Variants in TMPO observed in about 807,000 individuals in gnomAD.
TMPO encodes the protein LEM domain containing 4.
TMPO carries 22 observed loss-of-function variants against 45.4 expected under a neutral mutation model. That is an observed-to-expected ratio of 0.48 (90% confidence interval 0.35 to 0.69). TMPO has a LOEUF of 0.69. TMPO is among the 30% of genes least tolerant of loss of function. The pLI is 0.01. For missense variants in TMPO, 512 were observed against 548.8 expected (o/e 0.93, Z 0.67); for synonymous variants, 241 against 204.1 (o/e 1.18, Z -1.54).
intron 7 of TMPO, among the ~76,000 whole-genome samples, chr12:98,545,473 G>A (rs1021025028): frequency 6.6e-6 from 1 of 152,184 alleles, no homozygotes; most frequent in East Asian, 1.9e-4. Flanking sequence ...GTTAACTCCT[G>A]TGTAATTAAG....
rs780144570 is a variant in TMPO, at chr12:98,532,866, T to G, written c.565+1028T>G. ...AGAAAGTGAAGTCCACTAGGGATAT[T>G]GTTCCTTTTTCTGAACTTGGAACTA... On this transcript the variant is annotated intron_variant, in intron 3 of 8. Coordinates refer to ENST00000556029, the MANE Select transcript of TMPO (RefSeq NM_001032283.3). The G allele has an allele frequency of 5.6e-6, 9 of 1,614,186 alleles. No individual in the cohort carries two copies. In the South Asian group the frequency reaches 9.9e-5, roughly 18 times the overall value.
Position 98,521,702 on chromosome 12 carries a change from T to C in TMPO, c.279+5556T>C, listed in dbSNP as rs560697535. ...GTAGCTATTTGGATCTAGTGGAGCATAATATTCTTGAATGATCTGTTCTGG... is the reference window on the plus strand; with the variant it reads ...GTAGCTATTTGGATCTAGTGGAGCACAATATTCTTGAATGATCTGTTCTGG... On this transcript the variant is annotated intron_variant, in intron 1 of 8. Transcript: ENST00000556029. 6.0e-4 allele frequency among the ~76,000 whole-genome samples: 91 copies of C among 152,132 alleles called. 1 individual carries two copies. Among genetic ancestry groups the C allele is most frequent in the Non-Finnish European group, 1.2e-3 (84 of 68,032 alleles).
At chr12:98,545,244 C>G (rs2121253907) in intron 7 of TMPO, among the ~76,000 whole-genome samples, 183 bp downstream of exon 7, 1 of 144,254 alleles carries the variant, frequency 6.9e-6, no homozygotes, top group Admixed American at 7.3e-5. Context: ...CAGAAATTAA[C>G]TAATATAGTT....
rs370585407 is a variant in TMPO, at chr12:98,533,006, A to T, written c.565+1168A>T. On this transcript the variant is annotated intron_variant, in intron 3 of 8. Transcript: ENST00000556029. ...AAGAAAGTACATACTTCTAAGGGAG[A>T]CCTACCTAGGGAGCCTCTTGTTGCC... The T allele has an allele frequency of 3.1e-6, 5 of 1,613,874 alleles. No homozygotes were observed. The highest frequency in any genetic ancestry group is 3.4e-6 in the Non-Finnish European group (4 of 1,179,874).
At chr12:98,526,320 G>T (rs1592937252) in intron 1 of TMPO, among the ~76,000 whole-genome samples, 1 of 152,194 alleles carries the variant, frequency 6.6e-6, no homozygotes, top group Non-Finnish European at 1.5e-5. Flanking sequence ...CTATCCTTGG[G>T]GTGGAGATTG....
chr12:98,523,083 C>T (rs368496406), intron 1 of TMPO, among the ~76,000 whole-genome samples: 6 of 152,160 alleles, frequency 3.9e-5, no homozygotes, highest in Non-Finnish European at 5.9e-5. Flanking sequence ...CTTAAGTGAT[C>T]TACTTAAAGG....
intron 1 of TMPO, among the ~76,000 whole-genome samples, chr12:98,518,470 C>G (rs1305239956): frequency 1.2e-5 from 1 of 83,538 alleles, no homozygotes; most frequent in Non-Finnish European, 2.2e-5. Context: ...ATTTTCTAAT[C>G]TTTTTTTTTT....
intron 2 of TMPO, among the ~76,000 whole-genome samples, chr12:98,531,012 A>G (rs1437440186): frequency 4.6e-5 from 7 of 152,184 alleles, no homozygotes; most frequent in Non-Finnish European, 8.8e-5. Context: ...GTGCGATATC[A>G]GCTCACCGCA....
intron 4 of TMPO, among the ~76,000 whole-genome samples, chr12:98,543,725 G>A (rs1161815663): frequency 6.6e-6 from 1 of 152,162 alleles, no homozygotes; most frequent in Non-Finnish European, 1.5e-5. Context: ...GTTCAAATAA[G>A]CTATATGTGG....
intron 1 of TMPO, among the ~76,000 whole-genome samples, chr12:98,525,188 A>G (rs941911022): frequency 1.3e-5 from 2 of 152,196 alleles, no homozygotes; most frequent in African/African-American, 4.8e-5. Flanking sequence ...ACCCTAGGCA[A>G]CTATTTGGAT....
chr12:98,532,007 TAAG>T lies in TMPO; in HGVS notation c.565+173_565+175del, dbSNP rs1186996563. 6.5e-6 allele frequency: 4 copies of T among 618,518 alleles called. No individual in the cohort carries two copies. In the African/African-American group the frequency reaches 7.4e-5, roughly 11 times the overall value. 38.3% of individuals were successfully genotyped at this position (618,518 alleles called of 1,614,324 possible). ...TTTAAATACTTTTTATTGAAAATTCTAAGAAGCAACATAGTACAAATTCATAAT... is the reference window on the plus strand; with the variant it reads ...TTTAAATACTTTTTATTGAAAATTCTAAGCAACATAGTACAAATTCATAAT... On this transcript the variant is annotated intron_variant, in intron 3 of 8. Coordinates refer to ENST00000556029, the MANE Select transcript of TMPO (RefSeq NM_001032283.3).
intron 1 of TMPO, among the ~76,000 whole-genome samples, chr12:98,521,323 A>C (rs921496854): frequency 6.6e-6 from 1 of 151,740 alleles, no homozygotes; most frequent in African/African-American, 2.4e-5. Flanking sequence ...TGTGTTAGCC[A>C]GGATGGTCTG....
chr12:98,543,731 T>A (rs1262881616), intron 4 of TMPO, among the ~76,000 whole-genome samples: 1 of 152,242 alleles, frequency 6.6e-6, no homozygotes, highest in African/African-American at 2.4e-5. Flanking sequence ...ATAAGCTATA[T>A]GTGGGATTAT....
At chr12:98,528,232 A>G (rs1040734604) in intron 2 of TMPO, among the ~76,000 whole-genome samples, 3 of 146,952 alleles carry the variant, frequency 2.0e-5, no homozygotes, top group African/African-American at 7.6e-5. Context: ...AGATTGTTTT[A>G]TATGGTGCTT....
chr12:98,516,240 C>T, intron 1 of TMPO, 94 bp downstream of exon 1: 10 of 1,304,226 alleles, frequency 7.7e-6, no homozygotes, highest in South Asian at 2.4e-5. Flanking sequence ...CGGGCGCCCC[C>T]TCGGGCCTCC....
upstream of TMPO, chr12:98,515,576 C>T (rs1053617375): frequency 1.7e-5 from 8 of 460,078 alleles, no homozygotes; most frequent in Non-Finnish European, 2.7e-5. Context: ...GGCGCGCGTT[C>T]TTGGGGCGTG....
intron 3 of TMPO, chr12:98,535,253 A>G (rs1877498442): frequency 3.1e-6 from 3 of 983,136 alleles, no homozygotes; most frequent in African/African-American, 1.7e-5. Context: ...AAGTTTAGCA[A>G]TATAGACTCT....
intron 2 of TMPO, among the ~76,000 whole-genome samples, chr12:98,528,450 G>A (rs1024723546): frequency 1.3e-5 from 2 of 151,604 alleles, no homozygotes; most frequent in Non-Finnish European, 2.9e-5. Flanking sequence ...CTAATTTTTT[G>A]TATTTTTCAG....
rs1273139442 is a variant in TMPO, at chr12:98,549,660, T to G, written c.*1802T>G. 6.6e-6 allele frequency: 1 copy of G among 152,212 alleles called. No individual in the cohort carries two copies. The highest frequency in any genetic ancestry group is 1.5e-5 in the Non-Finnish European group (1 of 68,036). The allele number at this position is 152,212 out of a possible 1,614,324, so 9.4% of individuals were successfully genotyped here. ...CATTGACCATAAAGCACACTAAAAA[T>G]GTAAGTTATTTTTAAATACATCTGA... On this transcript the variant is annotated 3_prime_UTR_variant, in exon 9 of 9. Coordinates refer to ENST00000556029, the MANE Select transcript of TMPO (RefSeq NM_001032283.3).
Sources: allele counts gnomAD v4.1 joint callset (sites outside exome capture counted in the v4.1 genomes callset), GRCh38; gene constraint gnomAD v4.1.1; transcripts MANE v1.5; gene names NCBI Gene and HGNC (gene_info 2026-07-23, HGNC 2026-07-21).